PHLPP2: variants seen among roughly 807,000 people sequenced by gnomAD.
PHLPP2 encodes PH domain leucine-rich repeat-containing protein phosphatase 2.
A neutral mutation model predicts 124.9 loss-of-function variants in PHLPP2; 66 were observed. The ratio of observed to expected loss-of-function variants is 0.53; its 90% CI spans 0.43 to 0.65. The LOEUF is 0.65. Among genes scored for constraint, PHLPP2 ranks in the 30% least tolerant of loss-of-function variants. PHLPP2 has a pLI of 0.00. For synonymous variants in PHLPP2, 681 were observed against 624.7 expected, an observed-to-expected ratio of 1.09 and a Z score of -1.34; for missense variants, 1,685 against 1,600.4, an observed-to-expected ratio of 1.05 and a Z score of -0.90.
intron 2 of PHLPP2, among the ~76,000 whole-genome samples, chr16:71,710,122 TAC>T (rs2045314066): frequency 6.6e-6 from 1 of 152,190 alleles, no homozygotes; most frequent in South Asian, 2.1e-4. Flanking sequence ...GTGCTAGGAT[TAC>T]AGACTTGAGC....
intron 2 of PHLPP2, among the ~76,000 whole-genome samples, chr16:71,713,804 G>A (rs747874996): frequency 5.9e-5 from 9 of 151,978 alleles, no homozygotes; most frequent in South Asian, 4.2e-4. Flanking sequence ...TATTCCTAGC[G>A]TGCATAAAGA....
At position 71,681,905 on chromosome 16, in the gene PHLPP2, C is replaced by T. The variant is rs773514236; in HGVS notation, c.736G>A (p.Val246Met). Residue 246 changes from valine to methionine, a missense_variant and splice_region_variant, in exon 6 of 19, where the codon GTG becomes ATG. By Grantham distance (21) the Val-to-Met change is conservative. Transcript: ENST00000568954. ...YQRWQRQASK[V>M]VSQRISTVDL... ...ACGGTACTGATTCGCTGGGACACCA[C>T]CTGAATAATGTCAAAGAGAAGAGCC... 3.1e-6 allele frequency: 5 copies of T among 1,599,574 alleles called. No homozygotes were observed. Among genetic ancestry groups the T allele is most frequent in the Non-Finnish European group, 4.3e-6 (5 of 1,172,584 alleles).
Position 71,686,117 on chromosome 16 carries a change from C to A in PHLPP2, c.610-1516G>T, listed in dbSNP as rs139952194. Among the ~76,000 whole-genome samples the A allele has an allele frequency of 2.1e-3, 315 of 152,196 alleles. 2 individuals are homozygous for A. Among genetic ancestry groups the A allele is most frequent in the African/African-American group, 7.0e-3 (289 of 41,524 alleles). Reference sequence around the variant, plus strand: ...CGAGACTCTGTCTCAAACACACACACAAAAAAGTCCTTTTGGGGATCAGTC... The same window carrying A: ...CGAGACTCTGTCTCAAACACACACAAAAAAAAGTCCTTTTGGGGATCAGTC... On this transcript the variant is annotated intron_variant, in intron 4 of 18. Transcript: ENST00000568954.
chr16:71,690,567 C>G lies in PHLPP2; in HGVS notation c.561G>C (p.Lys187Asn). The G allele has an allele frequency of 6.2e-7, 1 of 1,613,136 alleles. No individual in the cohort carries two copies. Among genetic ancestry groups the G allele is most frequent in the Non-Finnish European group, 8.5e-7 (1 of 1,179,452 alleles). The change falls in exon 4 of 19, where the codon AAG becomes AAC. Residue 187 changes from lysine to asparagine, a missense_variant. Transcript: ENST00000568954. ...CGTCLIVSSV[K>N]DCQTGKMHIL... ...TGTGCATCTTTCCAGTTTGACAATC[C>G]TTCACTGAGGAAACGATAAGGCAGG... is the stretch of plus-strand genomic sequence containing the variant.
chr16:71,714,483 G>C, intron 2 of PHLPP2, 29 bp downstream of exon 2: 4 of 1,558,620 alleles, frequency 2.6e-6, no homozygotes, highest in Non-Finnish European at 3.5e-6. Context: ...TATTACGGTA[G>C]AATTAGAGTG....
intron 6 of PHLPP2, among the ~76,000 whole-genome samples, chr16:71,681,080 A>G (rs1227682827): frequency 6.6e-6 from 1 of 152,228 alleles, no homozygotes; most frequent in Non-Finnish European, 1.5e-5. Flanking sequence ...CTTTTTAGTC[A>G]CCATCTAATT....
chr16:71,717,862 T>C (rs2045373454), intron 1 of PHLPP2, among the ~76,000 whole-genome samples: 1 of 152,176 alleles, frequency 6.6e-6, no homozygotes, highest in African/African-American at 2.4e-5. Context: ...ACTGACCTTC[T>C]AAATCTTAGA....
chr16:71,693,273 C>T (rs369860457), intron 3 of PHLPP2, among the ~76,000 whole-genome samples: 6 of 151,974 alleles, frequency 3.9e-5, no homozygotes, highest in South Asian at 2.1e-4. Flanking sequence ...GGGGACAAAG[C>T]GAGACTCTGT....
Position 71,714,715 on chromosome 16 carries a change from A to G in PHLPP2, c.81T>C (p.Asp27=), listed in dbSNP as rs1212490046. Residue 27 remains aspartate, a synonymous_variant, in exon 2 of 19, where the codon GAT becomes GAC. Transcript: ENST00000568954. ...AAAGGTAAACACAGCCTCTCTTTAC[A>G]TCTTCTCTTAGCCAGTCTCTTTCTC... ...GSRERDWLRE[D]VKRGCVYLYG... The G allele has an allele frequency of 1.4e-5, 22 of 1,614,060 alleles. No homozygotes were observed. Among genetic ancestry groups the G allele is most frequent in the Non-Finnish European group, 1.8e-5 (21 of 1,180,012 alleles).
chr16:71,723,022 G>A (rs955121394), intron 1 of PHLPP2, among the ~76,000 whole-genome samples: 5 of 152,198 alleles, frequency 3.3e-5, no homozygotes, highest in African/African-American at 1.2e-4. Flanking sequence ...CTGCCAAGAA[G>A]CCCCGCTAGC....
chr16:71,699,356 A>G (rs2045206272), intron 3 of PHLPP2, among the ~76,000 whole-genome samples: 1 of 152,110 alleles, frequency 6.6e-6, no homozygotes, highest in South Asian at 2.1e-4. Context: ...AACTACCTAC[A>G]GCACCTCCCA....
chr16:71,658,623 TAAG>T (rs1344785378), intron 14 of PHLPP2, 27 bp downstream of exon 14: 1 of 1,602,072 alleles, frequency 6.2e-7, no homozygotes, highest in Admixed American at 1.7e-5. Flanking sequence ...TTTCCCCCAA[TAAG>T]GACATCATTC....
chr16:71,655,337 G>A lies in PHLPP2; in HGVS notation c.2488C>T (p.Leu830=). ...ACATCTGCCATCGTACACTGCAGCA[G>A]GCGCGGGAGCTCCTCATTTCGGTCT... ...DGDRNEELPR[L]LQCTMADVLL... is the part of the protein sequence containing the mutation. The change falls in exon 17 of 19, where the codon CTG becomes TTG. Residue 830 remains leucine (L), a synonymous_variant. Coordinates refer to ENST00000568954, the MANE Select transcript of PHLPP2 (RefSeq NM_015020.3). 1 of 1,613,872 alleles carries A rather than the reference G, an allele frequency of 6.2e-7. No individual in the cohort carries two copies. Among genetic ancestry groups the A allele is most frequent in the Middle Eastern group, 1.6e-4 (1 of 6,062 alleles).
At chr16:71,650,615 T>C (rs1224742354) in intron 18 of PHLPP2, among the ~76,000 whole-genome samples, 1 of 152,130 alleles carries the variant, frequency 6.6e-6, no homozygotes, top group East Asian at 1.9e-4. Context: ...CAAATCAAAA[T>C]CCCTGTAATT....
At chr16:71,677,946 CT>C (rs943393087) in intron 8 of PHLPP2, 3 of 152,066 alleles carry the variant, frequency 2.0e-5, no homozygotes, top group African/African-American at 4.8e-5. Flanking sequence ...CAATGAAATA[CT>C]TTTTTCAACC....
At chr16:71,651,394 T>C (rs935953654) in intron 18 of PHLPP2, among the ~76,000 whole-genome samples, 1 of 149,760 alleles carries the variant, frequency 6.7e-6, no homozygotes, top group African/African-American at 2.5e-5. Flanking sequence ...ATAAAAAGAC[T>C]AGTCAAACAA....
Position 71,690,648 on chromosome 16 carries a change from G to A in PHLPP2, c.480C>T (p.Arg160=). 1 of 1,613,666 alleles carries A rather than the reference G, an allele frequency of 6.2e-7. No individual in the cohort carries two copies. The highest frequency in any genetic ancestry group is 8.5e-7 in the Non-Finnish European group (1 of 1,179,614). The change falls in exon 4 of 19, where the codon CGC becomes CGT. Residue 160 remains arginine (R), a synonymous_variant. Coordinates refer to ENST00000568954, the MANE Select transcript of PHLPP2 (RefSeq NM_015020.3). Reference sequence around the variant, plus strand: ...ACTTATGCAGCTGGGTCTTTCCCTTGCGTACATTATAGATGCCAGACAATA... The same window carrying A: ...ACTTATGCAGCTGGGTCTTTCCCTTACGTACATTATAGATGCCAGACAATA... ...RILLSGIYNV[R]KGKTQLHKWA... is the part of the protein sequence containing the mutation.
Position 71,649,331 on chromosome 16 carries a change from C to A in PHLPP2, c.3531G>T (p.Arg1177Ser). 2 of 1,613,404 alleles carry A rather than the reference C, an allele frequency of 1.2e-6. No individual in the cohort carries two copies. The highest frequency in any genetic ancestry group is 1.7e-6 in the Non-Finnish European group (2 of 1,179,406). Reference protein sequence around the residue: ...VEVDIHCCRGRDLENSPPLIE... With the variant: ...VEVDIHCCRGSDLENSPPLIE... ...TGAGAGGGGGTGAGTTCTCCAGATC[C>A]CTCCCCCTGCAGCAGTGGATGTCTA... Residue 1177 changes from arginine to serine, a missense_variant, in exon 19 of 19, where the codon AGG becomes AGT. Arg to Ser is a moderately radical substitution (Grantham distance 110). Coordinates refer to ENST00000568954, the MANE Select transcript of PHLPP2 (RefSeq NM_015020.3).
chr16:71,666,737 C>T (rs898550077), intron 12 of PHLPP2, among the ~76,000 whole-genome samples: 1 of 152,184 alleles, frequency 6.6e-6, no homozygotes, highest in Non-Finnish European at 1.5e-5. Context: ...AAGGTTTGCA[C>T]ATAAAGACTG....
Sources: gnomAD v4.1 joint callset for allele counts (sites outside exome capture counted in the v4.1 genomes callset) on GRCh38, gnomAD v4.1.1 for gene constraint, MANE v1.5 for transcripts, NCBI Gene and HGNC (gene_info 2026-07-23, HGNC 2026-07-21) for gene names.